The following CCDC81 variants were observed in gnomAD, a reference collection of about 807,000 sequenced individuals.
The protein encoded by CCDC81 is coiled-coil domain-containing protein 81.
CCDC81 carries 79 observed loss-of-function variants against 83.7 expected under a neutral mutation model. That is an observed-to-expected ratio of 0.94 (90% CI 0.79 to 1.14). The LOEUF (loss-of-function observed/expected upper bound fraction) is 1.14. Ranked by LOEUF, CCDC81 falls within the 50% of genes most tolerant of loss-of-function variation. CCDC81 has a pLI of 0.00. For missense variants in CCDC81, 791 were observed against 778.1 expected, an observed-to-expected ratio of 1.02 and a Z score of -0.20; for synonymous variants, 252 against 278.1, an observed-to-expected ratio of 0.91 and a Z score of 0.93.
At chr11:86,402,481 G>A (rs1948506229) in intron 7 of CCDC81, among the ~76,000 whole-genome samples, 1 of 152,024 alleles carries the variant, frequency 6.6e-6, no homozygotes. Context: ...CTTAATGAAA[G>A]GTTAAACCTT....
chr11:86,375,436 A>T (rs1948086538), intron 1 of CCDC81, among the ~76,000 whole-genome samples, 194 bp downstream of exon 1: 1 of 152,112 alleles, frequency 6.6e-6, no homozygotes, highest in Non-Finnish European at 1.5e-5. Flanking sequence ...TTTTGATTAA[A>T]CCAGGGGATG....
rs143040936 is a variant in CCDC81, at chr11:86,414,807, G to A, written c.1410G>A (p.Ala470=). 5.1e-5 allele frequency: 82 copies of A among 1,611,852 alleles called. No homozygotes were observed. The Admixed American group carries it at 8.6e-4, about 17-fold the overall frequency. The change falls in exon 12 of 15, where the codon GCG becomes GCA. Residue 470 remains alanine (A), a synonymous_variant. Transcript: ENST00000445632. The part of the protein sequence containing the change: ...QLTEELAAQR[A]KFLKDKMEET... Reference sequence around the variant, plus strand: ...CTGCCAGACTTGCTGCGCAAAGAGCGAAATTTTTAAAAGATAAGATGGAAG... The same window carrying A: ...CTGCCAGACTTGCTGCGCAAAGAGCAAAATTTTTAAAAGATAAGATGGAAG...
intron 2 of CCDC81, 56 bp downstream of exon 2, chr11:86,386,168 A>T: frequency 1.7e-6 from 1 of 584,808 alleles, no homozygotes; most frequent in Non-Finnish European, 2.5e-6. Context: ...ATTTTAATGT[A>T]GGCATCTAAA....
Position 86,407,611 on chromosome 11 carries a change from T to C in CCDC81, c.882-3T>C. On this transcript the variant is annotated splice_region_variant and splice_polypyrimidine_tract_variant and intron_variant, in intron 7 of 14. Coordinates refer to ENST00000445632, the MANE Select transcript of CCDC81 (RefSeq NM_001156474.2). Reference sequence around the variant, plus strand: ...ATTAATTAATGTTGCATTGTTTTTATAGCTTATCATATCCAAGTTGTCTGA... The same window carrying C: ...ATTAATTAATGTTGCATTGTTTTTACAGCTTATCATATCCAAGTTGTCTGA... 1 of 1,602,402 alleles carries C rather than the reference T, an allele frequency of 6.2e-7. No individual in the cohort carries two copies. Among genetic ancestry groups the C allele is most frequent in the Non-Finnish European group, 8.5e-7 (1 of 1,170,268 alleles).
intron 7 of CCDC81, among the ~76,000 whole-genome samples, chr11:86,406,397 T>C (rs1051373310): frequency 3.3e-5 from 5 of 152,258 alleles, no homozygotes; most frequent in African/African-American, 7.2e-5. Context: ...AAAATTCTTA[T>C]CTGTTATTTT....
intron 1 of CCDC81, among the ~76,000 whole-genome samples, chr11:86,378,752 T>TTGAA (rs1948132883): frequency 6.6e-6 from 1 of 152,236 alleles, no homozygotes; most frequent in Non-Finnish European, 1.5e-5. Context: ...TCTCCTTGAT[T>TTGAA]TGAAGTCTGT....
chr11:86,395,377 T>G lies in CCDC81; in HGVS notation c.599T>G (p.Leu200Trp). The change falls in exon 5 of 15, where the codon TTG (leucine) becomes TGG (tryptophan). Residue 200 changes from leucine to tryptophan, a missense_variant. By Grantham distance (61) the Leu-to-Trp change is moderately conservative. Coordinates refer to ENST00000445632, the MANE Select transcript of CCDC81 (RefSeq NM_001156474.2). ...VDSVLSSREA[L>W]RKWPSSVLAF... is the part of the protein sequence containing the mutation. ...TCGGTGTTGTCTAGCAGAGAGGCCT[T>G]GAGGAAGTGGCCCAGCAGTGTGCTT... 1 of 1,614,116 alleles carries G rather than the reference T, an allele frequency of 6.2e-7. No individual in the cohort carries two copies. Among genetic ancestry groups the G allele is most frequent in the Non-Finnish European group, 8.5e-7 (1 of 1,179,996 alleles).
In CCDC81 at chr11:86,419,928, G is replaced by A. The variant is rs1220663628; in HGVS notation, c.1692G>A (p.Glu564=). ...AGCCAGGCTGTTCTTTTCTCTCCAG[G>A]CACTTGGCAGACAGAACCGCTGAGC... The part of the protein sequence containing the change: ...DLQMLQRTQR[E]HLADRTAELE... Residue 564 remains glutamate, a splice_region_variant and synonymous_variant, in exon 14 of 15, where the codon GAG becomes GAA. Coordinates refer to ENST00000445632, the MANE Select transcript of CCDC81 (RefSeq NM_001156474.2). 4 of 1,611,156 alleles carry A rather than the reference G, an allele frequency of 2.5e-6. No homozygotes were observed. Among genetic ancestry groups the A allele is most frequent in the Non-Finnish European group, 3.4e-6 (4 of 1,178,828 alleles).
chr11:86,413,667 G>A (rs940597239), intron 11 of CCDC81, among the ~76,000 whole-genome samples: 1 of 152,194 alleles, frequency 6.6e-6, no homozygotes, highest in African/African-American at 2.4e-5. Flanking sequence ...GCCAATACCA[G>A]TAGATGAAGA....
chr11:86,376,716 T>G (rs1948103330), intron 1 of CCDC81, among the ~76,000 whole-genome samples: 2 of 152,208 alleles, frequency 1.3e-5, no homozygotes, highest in African/African-American at 4.8e-5. Flanking sequence ...ACATACTGTC[T>G]AATCCTACAC....
intron 1 of CCDC81, among the ~76,000 whole-genome samples, chr11:86,382,678 G>A (rs886750038): frequency 6.6e-6 from 1 of 152,124 alleles, no homozygotes. Context: ...TGCTGAAGTG[G>A]AGAGTATAGA....
rs1167481685 is a variant in CCDC81, at chr11:86,408,304, G to A, written c.1113+34G>A. 4.5e-6 allele frequency: 7 copies of A among 1,569,350 alleles called. No individual in the cohort carries two copies. In the African/African-American group the frequency reaches 9.6e-5, roughly 22 times the overall value. ...ACACCTCGATTAGTCTTTAATATGG[G>A]GCAATAGAACATGATTATATAATGT... On this transcript the variant is annotated intron_variant, in intron 9 of 14. Coordinates refer to ENST00000445632, the MANE Select transcript of CCDC81 (RefSeq NM_001156474.2).
At chr11:86,378,954 G>A (rs1316009862) in intron 1 of CCDC81, among the ~76,000 whole-genome samples, 2 of 152,008 alleles carry the variant, frequency 1.3e-5, no homozygotes, top group Non-Finnish European at 2.9e-5. Context: ...CTTAGCCTAT[G>A]TTCAAAGTGA....
Position 86,386,064 on chromosome 11 carries a change from C to A in CCDC81, c.93C>A (p.Ile31=). The A allele has an allele frequency of 2.0e-6, 3 of 1,527,404 alleles. No homozygotes were observed. The highest frequency in any genetic ancestry group is 2.8e-5 in the African/African-American group (2 of 71,748). 94.6% of individuals were successfully genotyped at this position (1,527,404 alleles called of 1,614,324 possible). ...PSLSQEEVSI[I]WGNVSEFVRR... Reference sequence around the variant, plus strand: ...TTTGAATTTCAGAAGTCTCTATTATCTGGGGGAATGTATCAGAATTTGTGA... The same window carrying A: ...TTTGAATTTCAGAAGTCTCTATTATATGGGGGAATGTATCAGAATTTGTGA... The change falls in exon 2 of 15, where the codon ATC becomes ATA. Residue 31 remains isoleucine (I), a synonymous_variant. Transcript: ENST00000445632.
chr11:86,415,832 C>T (rs1948712092), intron 13 of CCDC81, among the ~76,000 whole-genome samples: 1 of 152,084 alleles, frequency 6.6e-6, no homozygotes, highest in African/African-American at 2.4e-5. Context: ...TGCCAGCACG[C>T]CCAGCTAATT....
intron 13 of CCDC81, among the ~76,000 whole-genome samples, chr11:86,418,847 A>G (rs1327641654): frequency 6.6e-6 from 1 of 152,178 alleles, no homozygotes; most frequent in Non-Finnish European, 1.5e-5. Context: ...TGGTTAAGAT[A>G]GTAAATTTTG....
intron 6 of CCDC81, among the ~76,000 whole-genome samples, chr11:86,399,186 G>A (rs73517954): frequency 0.049 from 7,401 of 152,252 alleles, 204 homozygotes; most frequent in Middle Eastern, 0.088. Context: ...ATTGGCTTGT[G>A]CATGTCTGTT....
At position 86,408,230 on chromosome 11, in the gene CCDC81, A is replaced by G. The variant is rs1430844886; in HGVS notation, c.1073A>G (p.Tyr358Cys). 1 of 1,614,044 alleles carries G rather than the reference A, an allele frequency of 6.2e-7. No homozygotes were observed. Among genetic ancestry groups the G allele is most frequent in the Non-Finnish European group, 8.5e-7 (1 of 1,179,946 alleles). Residue 358 changes from tyrosine (Y) to cysteine (C), a missense_variant, in exon 9 of 15, where the codon TAT (tyrosine) becomes TGT (cysteine). By Grantham distance (194) the Tyr-to-Cys change is radical. Transcript: ENST00000445632. ...GAAGATGAGAGACTCATACAGCAGT[A>G]TCAGATGTTAAAGGATCAGGAGGCT... The part of the protein sequence containing the change: ...EIEDERLIQQ[Y>C]QMLKDQEALF...
At chr11:86,416,671 G>A (rs1948723984) in intron 13 of CCDC81, among the ~76,000 whole-genome samples, 1 of 152,204 alleles carries the variant, frequency 6.6e-6, no homozygotes, top group African/African-American at 2.4e-5. Context: ...ACACATCCCT[G>A]TTTCTGTATT....
Sources: allele counts gnomAD v4.1 joint callset (sites outside exome capture counted in the v4.1 genomes callset), GRCh38; gene constraint gnomAD v4.1.1; transcripts MANE v1.5; gene names NCBI Gene and HGNC (gene_info 2026-07-23, HGNC 2026-07-21).